EPB41L4B: variants seen among roughly 807,000 people sequenced by gnomAD.
The protein encoded by EPB41L4B is band 4.1-like protein 4B.
Under a neutral mutation model 112.5 loss-of-function variants are expected in EPB41L4B, and 30 were observed. The observed-to-expected ratio is 0.27, with a 90% confidence interval of 0.20 to 0.36. The LOEUF (loss-of-function observed/expected upper bound fraction) is 0.36. EPB41L4B is among the 10% of genes least tolerant of loss of function. The pLI, the probability that EPB41L4B is intolerant of heterozygous loss-of-function variation, is 1.00. For synonymous variants in EPB41L4B, 408 were observed against 439.7 expected (o/e 0.93, Z 0.90); for missense variants, 1,024 against 1,133.3 (o/e 0.90, Z 1.38).
rs1306060174 is a variant in EPB41L4B at position 109,172,167 on chromosome 9, C to A, written c.*2387G>T. ...CCCAGAGCCTCCTGGAAACACTGGC[C>A]AAAAAGCCCATGCATCCCTTCTTGG... On this transcript the variant is annotated 3_prime_UTR_variant, in exon 26 of 26. Coordinates refer to ENST00000374566, the MANE Select transcript of EPB41L4B (RefSeq NM_019114.5). 1 of 152,066 alleles carries A rather than the reference C, an allele frequency of 6.6e-6. No homozygotes were observed. The highest frequency in any genetic ancestry group is 1.5e-5 in the Non-Finnish European group (1 of 68,022). 9.4% of individuals were successfully genotyped at this position (152,066 alleles called of 1,614,324 possible). A position where few individuals can be genotyped will look rare whatever the true frequency, so the allele number is the denominator to read the frequency against.
At chr9:109,228,194 GAC>G (rs1407970694) in intron 15 of EPB41L4B, among the ~76,000 whole-genome samples, 1 of 152,176 alleles carries the variant, frequency 6.6e-6, no homozygotes, top group Non-Finnish European at 1.5e-5. Flanking sequence ...TATCAGGTTA[GAC>G]AGTTCTTCCA....
intron 4 of EPB41L4B, among the ~76,000 whole-genome samples, chr9:109,265,965 T>C (rs933245163): frequency 1.3e-5 from 2 of 151,830 alleles, no homozygotes; most frequent in African/African-American, 4.8e-5. Flanking sequence ...CTAGAATGAC[T>C]GTTCGCCAGA....
chr9:109,216,833 C>T (rs957344758), intron 16 of EPB41L4B, 89 bp downstream of exon 16: 125 of 1,332,212 alleles, frequency 9.4e-5, no homozygotes, highest in Non-Finnish European at 1.3e-4. Flanking sequence ...TGCTGCACCG[C>T]AAGGGTCTGT....
intron 15 of EPB41L4B, among the ~76,000 whole-genome samples, chr9:109,218,499 T>C (rs1283283759): frequency 6.6e-6 from 1 of 152,126 alleles, no homozygotes. Context: ...GAACCTTCCC[T>C]GTACCAACAA....
At chr9:109,176,027 TCC>T (rs1564244062) in intron 25 of EPB41L4B, among the ~76,000 whole-genome samples, 2,318 of 147,888 alleles carry the variant, frequency 0.016, 76 homozygotes, top group African/African-American at 0.055. Context: ...TTCCTCCCTA[TCC>T]CTTGTCAATA....
chr9:109,271,357 T>C (rs1024642561), intron 2 of EPB41L4B, among the ~76,000 whole-genome samples: 1 of 152,238 alleles, frequency 6.6e-6, no homozygotes, highest in Non-Finnish European at 1.5e-5. Flanking sequence ...CTTCCTCATT[T>C]TAAAAGCTCC....
intron 1 of EPB41L4B, among the ~76,000 whole-genome samples, chr9:109,307,018 T>G (rs887078165): frequency 6.1e-5 from 9 of 146,964 alleles, no homozygotes; most frequent in Non-Finnish European, 8.9e-5. Flanking sequence ...TGCAGTTGTT[T>G]TTTTTTTTTT....
rs959913762 is a variant in EPB41L4B at position 109,321,035 on chromosome 9, T to TGCCGCC, written c.-595_-590dup. On this transcript the variant is annotated 5_prime_UTR_variant, in exon 1 of 26. Transcript: ENST00000374566. The stretch of plus-strand genomic sequence containing the variant: ...CCGCCGCCGCCGCCGCCGCCGCCGC[T>TGCCGCC]GCCGCCGGGACTGCAGCACGCCCTC... The TGCCGCC allele has an allele frequency of 5.4e-6, 1 of 186,758 alleles. No homozygotes were observed. The highest frequency in any genetic ancestry group is 2.4e-5 in the African/African-American group (1 of 41,222). 11.6% of individuals were successfully genotyped at this position (186,758 alleles called of 1,614,324 possible).
chr9:109,320,388 CCCCGCGCGT>C lies in EPB41L4B; in HGVS notation c.50_58del (p.Tyr17_Gly20delinsCys). On this transcript the variant is annotated inframe_deletion, in exon 1 of 26. Coordinates refer to ENST00000374566, the MANE Select transcript of EPB41L4B (RefSeq NM_019114.5). ...CCCGGCGGCCCCGCGCCCCGCCGCG[CCCCGCGCGT>C]AGCGCTGCATGGAGCGGCGGCCAAA... 1.0e-6 allele frequency: 1 copy of C among 982,894 alleles called. No homozygotes were observed. Among genetic ancestry groups the C allele is most frequent in the Non-Finnish European group, 1.2e-6 (1 of 829,660 alleles). The allele number at this position is 982,894 out of a possible 1,614,324, so 60.9% of individuals were successfully genotyped here. A position where few individuals can be genotyped will look rare whatever the true frequency, so the allele number is the denominator to read the frequency against.
intron 7 of EPB41L4B, 141 bp downstream of exon 7, chr9:109,258,036 C>T (rs1372841732): frequency 3.3e-6 from 3 of 897,812 alleles, no homozygotes; most frequent in African/African-American, 3.3e-5. Context: ...AAAAACAGGA[C>T]TGACACAAGG....
chr9:109,228,435 T>C (rs144845802), intron 15 of EPB41L4B, among the ~76,000 whole-genome samples: 185 of 152,318 alleles, frequency 1.2e-3, no homozygotes, highest in Admixed American at 8.2e-3. Context: ...TTCAAAGGTA[T>C]TGATGCTGAC....
chr9:109,222,322 A>G (rs1833606666), intron 15 of EPB41L4B, among the ~76,000 whole-genome samples: 1 of 152,186 alleles, frequency 6.6e-6, no homozygotes. Context: ...CTAAGCAAGC[A>G]GTAGAATGAC....
intron 14 of EPB41L4B, among the ~76,000 whole-genome samples, chr9:109,244,738 A>C (rs1305641568): frequency 2.0e-5 from 3 of 152,164 alleles, no homozygotes; most frequent in African/African-American, 4.8e-5. Context: ...GTGGTCCTAG[A>C]CATCAGCAGA....
chr9:109,257,345 G>A, intron 7 of EPB41L4B, among the ~76,000 whole-genome samples: 1 of 152,114 alleles, frequency 6.6e-6, no homozygotes, highest in East Asian at 1.9e-4. Flanking sequence ...GGTGGCGTTG[G>A]TAGTCCAGGC....
intron 1 of EPB41L4B, among the ~76,000 whole-genome samples, chr9:109,293,912 T>C (rs1358939662): frequency 6.6e-6 from 1 of 152,080 alleles, no homozygotes; most frequent in Non-Finnish European, 1.5e-5. Context: ...CTAGATGCAA[T>C]GTGTGGTCTG....
rs975222779 is a variant in EPB41L4B at position 109,314,641 on chromosome 9, C to G, written c.306+5500G>C. On this transcript the variant is annotated intron_variant, in intron 1 of 25. Transcript: ENST00000374566. ...GTTCATTACCCCTCTCTCACCCCCC[C>G]CCACCTCAGCCTTTCTTTTAAAACA... is the stretch of plus-strand genomic sequence containing the variant. 9.9e-5 allele frequency among the ~76,000 whole-genome samples: 15 copies of G among 151,774 alleles called. No individual in the cohort carries two copies. In the East Asian group the frequency reaches 2.3e-3, roughly 24 times the overall value.
chr9:109,250,829 G>A (rs1327617425), intron 13 of EPB41L4B, among the ~76,000 whole-genome samples: 1 of 152,172 alleles, frequency 6.6e-6, no homozygotes. Context: ...CTGGTCCACT[G>A]ATATTTATAA....
chr9:109,227,456 A>C lies in EPB41L4B; in HGVS notation c.1410-10311T>G, dbSNP rs887202392. Reference sequence around the variant, plus strand: ...AACATATTTCTCTCCATTTACTCAGATCTTTTAAAATGTCCTTCAGTTAGA... The same window carrying C: ...AACATATTTCTCTCCATTTACTCAGCTCTTTTAAAATGTCCTTCAGTTAGA... On this transcript the variant is annotated intron_variant, in intron 15 of 25. Coordinates refer to ENST00000374566, the MANE Select transcript of EPB41L4B (RefSeq NM_019114.5). 7.2e-5 allele frequency among the ~76,000 whole-genome samples: 11 copies of C among 152,332 alleles called. No homozygotes were observed. The East Asian group carries it at 1.7e-3, about 24-fold the overall frequency.
chr9:109,177,894 G>T (rs2118585355), intron 24 of EPB41L4B, among the ~76,000 whole-genome samples: 1 of 151,410 alleles, frequency 6.6e-6, no homozygotes, highest in South Asian at 2.1e-4. Flanking sequence ...TTTCCTCACA[G>T]GTTCTCTCTC....
Sources: allele counts gnomAD v4.1 joint callset (sites outside exome capture counted in the v4.1 genomes callset), GRCh38; gene constraint gnomAD v4.1.1; transcripts MANE v1.5; gene names NCBI Gene and HGNC (gene_info 2026-07-23, HGNC 2026-07-21).